WDPCP: variants seen among roughly 807,000 people sequenced by gnomAD.
WDPCP encodes the protein WD repeat-containing and planar cell polarity effector protein fritz homolog.
In WDPCP, 71 loss-of-function variants were observed where a neutral mutation model predicts 93.1. The ratio of observed to expected loss-of-function variants is 0.76; its 90% CI spans 0.63 to 0.93. The LOEUF (loss-of-function observed/expected upper bound fraction) is 0.93, where lower values mean the gene tolerates loss of function less well. Ranked by LOEUF, WDPCP falls within the 40% of genes least tolerant of loss-of-function variation. The pLI, the probability that WDPCP is intolerant of heterozygous loss-of-function variation, is 0.00. For synonymous variants in WDPCP, 315 were observed against 315.0 expected (o/e 1.00, Z 0.00); for missense variants, 844 against 887.4 (o/e 0.95, Z 0.62).
chr2:63,391,235 A>G (rs1470601213), intron 10 of WDPCP, among the ~76,000 whole-genome samples: 1 of 152,220 alleles, frequency 6.6e-6, no homozygotes, highest in Non-Finnish European at 1.5e-5. Context: ...GGCTGATTAA[A>G]CATACGCAAA....
chr2:63,701,922 C>T (rs1420484073), intron 2 of WDPCP, among the ~76,000 whole-genome samples: 1 of 152,108 alleles, frequency 6.6e-6, no homozygotes, highest in East Asian at 1.9e-4. Flanking sequence ...GAAATAAAAC[C>T]TAGTGTTTCA....
rs554597263 is a variant in WDPCP, at chr2:63,811,712, T to A, written n.308+1910A>T. Among the ~76,000 whole-genome samples the A allele has an allele frequency of 7.3e-4, 111 of 151,978 alleles. 1 individual carries two copies. The highest frequency in any genetic ancestry group is 2.5e-3 in the African/African-American group (104 of 41,432). ...GGTATGAAAGACCTTGTCACTCGGG[T>A]ACTGAGCATAGTACCCAATAGGCAG... On this transcript the variant is annotated intron_variant and non_coding_transcript_variant, in intron 2 of 4. Coordinates refer to the WDPCP transcript ENST00000467687.
intron 1 of WDPCP, among the ~76,000 whole-genome samples, chr2:63,572,309 G>C (rs950775889): frequency 4.6e-5 from 7 of 152,170 alleles, no homozygotes; most frequent in Non-Finnish European, 1.0e-4. Flanking sequence ...TAACTGCCAG[G>C]AGTAGATAGG....
chr2:63,124,176 A>C (rs1295553937), intron 17 of WDPCP, among the ~76,000 whole-genome samples: 2 of 151,832 alleles, frequency 1.3e-5, no homozygotes, highest in African/African-American at 4.8e-5. Context: ...AAAGCTATGA[A>C]ATTTTAAGCT....
chr2:63,656,536 T>G (rs1030994308), intron 2 of WDPCP, among the ~76,000 whole-genome samples: 1 of 152,236 alleles, frequency 6.6e-6, no homozygotes, highest in Admixed American at 6.5e-5. Flanking sequence ...TTGGGATATA[T>G]TTCAAGAGCT....
intron 2 of WDPCP, among the ~76,000 whole-genome samples, chr2:63,799,399 A>T (rs1177285645): frequency 6.6e-6 from 1 of 152,194 alleles, no homozygotes; most frequent in Non-Finnish European, 1.5e-5. Flanking sequence ...GCTTACTGAG[A>T]TTCAGTGATT....
At chr2:63,646,101 T>C (rs997708241) in intron 3 of WDPCP, among the ~76,000 whole-genome samples, 4 of 152,198 alleles carry the variant, frequency 2.6e-5, no homozygotes, top group Admixed American at 2.0e-4. Context: ...CTGTCTTCCC[T>C]TTAGTGAAGG....
chr2:63,824,811 G>C (rs1671088267), intron 1 of WDPCP, among the ~76,000 whole-genome samples: 1 of 151,970 alleles, frequency 6.6e-6, no homozygotes, highest in African/African-American at 2.4e-5. Flanking sequence ...TCAAATAGAT[G>C]AGAAAAAGAG....
intron 9 of WDPCP, among the ~76,000 whole-genome samples, chr2:63,424,146 C>T (rs1032705258): frequency 2.6e-5 from 4 of 151,774 alleles, no homozygotes; most frequent in African/African-American, 9.7e-5. Context: ...ACAAGAGATC[C>T]CACAACCCCC....
chr2:63,249,880 C>T (rs539356046), intron 14 of WDPCP, among the ~76,000 whole-genome samples: 2 of 152,302 alleles, frequency 1.3e-5, no homozygotes, highest in South Asian at 2.1e-4. Flanking sequence ...TGACTTCCAT[C>T]GTAGCTAAGC....
intron 13 of WDPCP, among the ~76,000 whole-genome samples, chr2:63,304,106 T>C (rs1223148377): frequency 6.6e-6 from 1 of 151,966 alleles, no homozygotes; most frequent in Admixed American, 6.5e-5. Flanking sequence ...AAAATAAAAC[T>C]ACCATTCAAC....
intron 2 of WDPCP, among the ~76,000 whole-genome samples, chr2:63,657,129 G>A (rs1355199962): frequency 6.6e-6 from 1 of 151,962 alleles, no homozygotes; most frequent in Admixed American, 6.6e-5. Flanking sequence ...GCCATGGTAA[G>A]GGCTACTTTA....
chr2:63,804,246 T>C (rs1416634894), intron 2 of WDPCP, among the ~76,000 whole-genome samples: 3 of 151,456 alleles, frequency 2.0e-5, no homozygotes, highest in Non-Finnish European at 4.4e-5. Flanking sequence ...ACAAACCAGA[T>C]ACTCCTTTTT....
At chr2:63,256,709 A>C (rs1681180902) in intron 14 of WDPCP, among the ~76,000 whole-genome samples, 1 of 152,198 alleles carries the variant, frequency 6.6e-6, no homozygotes, top group South Asian at 2.1e-4. Flanking sequence ...AAGTAGAATA[A>C]ATTGAAGTAC....
At chr2:63,456,010 A>G (rs1698597347) in intron 6 of WDPCP, among the ~76,000 whole-genome samples, 1 of 152,252 alleles carries the variant, frequency 6.6e-6, no homozygotes, top group Non-Finnish European at 1.5e-5. Flanking sequence ...AGGAATCACT[A>G]CCAAGAGAAA....
intron 1 of WDPCP, among the ~76,000 whole-genome samples, chr2:63,550,715 GTATA>G (rs908319579): frequency 7.5e-5 from 11 of 146,598 alleles, no homozygotes; most frequent in Admixed American, 1.4e-4. Context: ...ATATATGTGT[GTATA>G]TATATACATA....
At chr2:63,407,417 G>A (rs1471573973) in intron 9 of WDPCP, among the ~76,000 whole-genome samples, 1 of 152,196 alleles carries the variant, frequency 6.6e-6, no homozygotes, top group African/African-American at 2.4e-5. Context: ...ATGAGAGGCT[G>A]TAAGTTCTGA....
rs533130778 is a variant in WDPCP, at chr2:63,350,153, A to T, written c.1748+28233T>A. Reference sequence around the variant, plus strand: ...ATGTCCTTTGCAGGGACATGGATGAAGCTGGAAACCATCATTATCAGCAAA... The same window carrying T: ...ATGTCCTTTGCAGGGACATGGATGATGCTGGAAACCATCATTATCAGCAAA... On this transcript the variant is annotated intron_variant, in intron 12 of 17. Coordinates refer to ENST00000272321, the MANE Select transcript of WDPCP (RefSeq NM_015910.7). Among the ~76,000 whole-genome samples the T allele has an allele frequency of 2.0e-5, 3 of 152,184 alleles. No homozygotes were observed. In the South Asian group the frequency reaches 6.2e-4, roughly 32 times the overall value.
At chr2:63,488,528 A>G (rs1326607567) in intron 2 of WDPCP, among the ~76,000 whole-genome samples, 1 of 152,024 alleles carries the variant, frequency 6.6e-6, no homozygotes, top group Non-Finnish European at 1.5e-5. Context: ...TCTAATAAGG[A>G]TTTATTGCGA....
Sources: gnomAD v4.1 joint callset for allele counts (sites outside exome capture counted in the v4.1 genomes callset) on GRCh38, gnomAD v4.1.1 for gene constraint, MANE v1.5 for transcripts, NCBI Gene and HGNC (gene_info 2026-07-23, HGNC 2026-07-21) for gene names.